SLC2A9: variants seen among roughly 807,000 people sequenced by gnomAD.
SLC2A9 encodes solute carrier family 2 member 9, also known as solute carrier family 2, facilitated glucose transporter member 9.
SLC2A9 carries 39 observed loss-of-function variants against 50.6 expected under a neutral mutation model. The observed-to-expected ratio is 0.77, with a 90% confidence interval of 0.60 to 1.01. The LOEUF (loss-of-function observed/expected upper bound fraction) is 1.01, where lower values mean the gene tolerates loss of function less well. Ranked by LOEUF, SLC2A9 falls within the 50% of genes least tolerant of loss-of-function variation. The pLI, the probability that SLC2A9 is intolerant of heterozygous loss-of-function variation, is 0.00. For missense variants in SLC2A9, 686 were observed against 677.6 expected (o/e 1.01, Z -0.14); for synonymous variants, 324 against 276.9 (o/e 1.17, Z -1.69).
At chr4:9,776,887 C>T (rs1466705837), downstream of SLC2A9, among the ~76,000 whole-genome samples, 2 of 152,188 alleles carry the variant, frequency 1.3e-5, no homozygotes, top group Admixed American at 1.3e-4. Context: ...TCCTCTGTCT[C>T]ATACCTCTCC....
intron 10 of SLC2A9, among the ~76,000 whole-genome samples, chr4:9,859,258 G>C (rs112851767): frequency 0.069 from 10,095 of 146,086 alleles, 788 homozygotes; most frequent in East Asian, 0.25. Flanking sequence ...CCCTATTATA[G>C]GTGGGATTTG....
chr4:9,882,866 G>A (rs1304368165), intron 10 of SLC2A9, among the ~76,000 whole-genome samples: 1 of 152,062 alleles, frequency 6.6e-6, no homozygotes, highest in African/African-American at 2.4e-5. Flanking sequence ...CCTCATGATG[G>A]TATTTATTAG....
chr4:9,782,758 G>C, intron 3 of SLC2A9: 2 of 1,613,986 alleles, frequency 1.2e-6, no homozygotes, highest in Non-Finnish European at 1.7e-6. Context: ...TCATGATCGT[G>C]ACCTACACGC....
chr4:9,868,221 G>C (rs1218188075), intron 10 of SLC2A9, among the ~76,000 whole-genome samples: 1 of 152,210 alleles, frequency 6.6e-6, no homozygotes, highest in Non-Finnish European at 1.5e-5. Context: ...TTACCAGAGC[G>C]CCACTCATCT....
intron 3 of SLC2A9, among the ~76,000 whole-genome samples, chr4:9,810,772 C>T (rs1722776922): frequency 6.6e-6 from 1 of 152,192 alleles, no homozygotes; most frequent in Non-Finnish European, 1.5e-5. Flanking sequence ...GTTATGCATT[C>T]ATTTCCAAAG....
intron 9 of SLC2A9, among the ~76,000 whole-genome samples, chr4:9,888,576 G>A (rs1245364003): frequency 6.6e-6 from 1 of 152,028 alleles, no homozygotes; most frequent in Admixed American, 6.5e-5. Flanking sequence ...GGGGTGCCAG[G>A]GCTGCCCCAG....
intron 3 of SLC2A9, among the ~76,000 whole-genome samples, chr4:9,807,728 T>C (rs1480158142): frequency 6.6e-6 from 1 of 152,250 alleles, no homozygotes; most frequent in Non-Finnish European, 1.5e-5. Context: ...TTAGGCTTGA[T>C]GGAAGATTTG....
At chr4:9,966,685 A>G (rs964876757) in intron 5 of SLC2A9, among the ~76,000 whole-genome samples, 1 of 152,196 alleles carries the variant, frequency 6.6e-6, no homozygotes, top group African/African-American at 2.4e-5. Flanking sequence ...AACAATCCAA[A>G]TGTCCAGGAA....
intron 10 of SLC2A9, among the ~76,000 whole-genome samples, chr4:9,860,676 G>A (rs10003673): frequency 0.95 from 144,534 of 152,344 alleles, 68,703 homozygotes; most frequent in Middle Eastern, 0.97. Context: ...GCTCCCTTGT[G>A]CACCTCAATT....
intron 6 of SLC2A9, among the ~76,000 whole-genome samples, chr4:9,921,345 T>G (rs1188167461): frequency 6.6e-6 from 1 of 152,234 alleles, no homozygotes; most frequent in Non-Finnish European, 1.5e-5. Flanking sequence ...CCTCTATGAA[T>G]GTGTGCTTGA....
chr4:9,789,680 T>C (rs545925218), intron 3 of SLC2A9, among the ~76,000 whole-genome samples: 2 of 152,360 alleles, frequency 1.3e-5, no homozygotes, highest in East Asian at 3.9e-4. Flanking sequence ...AAAGGGAATA[T>C]GAGTACCCCT....
At chr4:9,963,204 T>G (rs1752545367) in intron 5 of SLC2A9, among the ~76,000 whole-genome samples, 1 of 152,178 alleles carries the variant, frequency 6.6e-6, no homozygotes, top group African/African-American at 2.4e-5. Flanking sequence ...TCAGATCTCA[T>G]GAGGCTTATT....
intron 10 of SLC2A9, among the ~76,000 whole-genome samples, chr4:9,851,054 T>G (rs557435535): frequency 3.4e-5 from 5 of 145,382 alleles, no homozygotes; most frequent in Admixed American, 3.4e-4. Context: ...ACCACCCAAC[T>G]CCTGCTGGTG....
intron 8 of SLC2A9, among the ~76,000 whole-genome samples, chr4:9,905,991 A>T (rs566600193): frequency 6.6e-6 from 1 of 152,342 alleles, no homozygotes; most frequent in Admixed American, 6.5e-5. Flanking sequence ...CCTGCTCTCC[A>T]CAAGGATGTC....
intron 3 of SLC2A9, among the ~76,000 whole-genome samples, chr4:9,803,700 T>G (rs926651176): frequency 6.6e-6 from 1 of 152,254 alleles, no homozygotes; most frequent in East Asian, 1.9e-4. Context: ...ATGTGTCTGG[T>G]CTGCCTACCC....
downstream of SLC2A9, among the ~76,000 whole-genome samples, chr4:9,795,625 G>C (rs1440942025): frequency 6.6e-6 from 1 of 152,132 alleles, no homozygotes; most frequent in Non-Finnish European, 1.5e-5. Flanking sequence ...TGTGATGGCT[G>C]GGCTGGAGGG....
intron 8 of SLC2A9, among the ~76,000 whole-genome samples, chr4:9,902,496 G>A (rs187252632): frequency 3.0e-4 from 45 of 152,324 alleles, no homozygotes; most frequent in African/African-American, 9.9e-4. Flanking sequence ...CAGGGCTGCC[G>A]TGATAAGGTC....
intron 3 of SLC2A9, among the ~76,000 whole-genome samples, chr4:9,811,650 G>T (rs1408112697): frequency 6.6e-6 from 1 of 152,132 alleles, no homozygotes; most frequent in Admixed American, 6.6e-5. Context: ...GACACCACAG[G>T]GATCCACAGG....
chr4:9,788,133 G>T (rs1719458856), intron 3 of SLC2A9, among the ~76,000 whole-genome samples: 1 of 152,036 alleles, frequency 6.6e-6, no homozygotes, highest in South Asian at 2.1e-4. Context: ...CTACTGTAAG[G>T]AAGAATATTT....
Sources: allele counts gnomAD v4.1 joint callset (sites outside exome capture counted in the v4.1 genomes callset), GRCh38; gene constraint gnomAD v4.1.1; transcripts MANE v1.5; gene names NCBI Gene and HGNC (gene_info 2026-07-23, HGNC 2026-07-21).